The following ASAP1 variants were observed in gnomAD, a reference collection of about 807,000 sequenced individuals.
ASAP1 encodes the protein ArfGAP with SH3 domain, ankyrin repeat and PH domain 1.
ASAP1 carries 43 observed loss-of-function variants against 145.2 expected under a neutral mutation model. That is an observed-to-expected ratio of 0.30 (90% CI 0.23 to 0.38). ASAP1 has a LOEUF of 0.38. Among genes scored for constraint, ASAP1 ranks in the 10% least tolerant of loss-of-function variants. ASAP1 has a pLI of 1.00. For missense variants in ASAP1, 1,018 were observed against 1,355.3 expected (o/e 0.75, Z 3.91); for synonymous variants, 546 against 515.5 (o/e 1.06, Z -0.80).
At chr8:130,153,336 T>C (rs1026978100) in intron 12 of ASAP1, among the ~76,000 whole-genome samples, 1 of 48,822 alleles carries the variant, frequency 2.0e-5, no homozygotes, top group Non-Finnish European at 4.3e-5. Context: ...TTTTTAAATA[T>C]ATATATATAT....
chr8:130,077,017 T>C (rs1190734332), intron 26 of ASAP1, among the ~76,000 whole-genome samples: 1 of 152,206 alleles, frequency 6.6e-6, no homozygotes, highest in Non-Finnish European at 1.5e-5. Context: ...TCTTCCCACA[T>C]GATCCCACAA....
At chr8:130,286,825 C>T (rs1399832002) in intron 3 of ASAP1, among the ~76,000 whole-genome samples, 2 of 152,182 alleles carry the variant, frequency 1.3e-5, no homozygotes, top group Admixed American at 6.5e-5. Context: ...TTGTGCTTAT[C>T]ATTATGAAAT....
chr8:130,077,760 C>T (rs989011686), intron 26 of ASAP1, among the ~76,000 whole-genome samples: 1 of 152,112 alleles, frequency 6.6e-6, no homozygotes, highest in African/African-American at 2.4e-5. Flanking sequence ...CCTTTCTGTC[C>T]TGGCTCTTGG....
intron 5 of ASAP1, among the ~76,000 whole-genome samples, chr8:130,198,604 C>T (rs1319394573): frequency 1.3e-5 from 2 of 152,134 alleles, no homozygotes; most frequent in Admixed American, 6.6e-5. Context: ...CTGTATCTAA[C>T]ATATATTATC....
At chr8:130,193,283 C>T (rs1054672029) in intron 5 of ASAP1, among the ~76,000 whole-genome samples, 2 of 151,878 alleles carry the variant, frequency 1.3e-5, no homozygotes, top group Non-Finnish European at 2.9e-5. Flanking sequence ...ACAGGAGAAT[C>T]GCCTGAACCT....
chr8:130,238,384 T>C (rs1231409915), intron 3 of ASAP1, among the ~76,000 whole-genome samples: 1 of 152,040 alleles, frequency 6.6e-6, no homozygotes, highest in African/African-American at 2.4e-5. Context: ...GTAGAGACAC[T>C]CCTCTGGCAT....
intron 27 of ASAP1, among the ~76,000 whole-genome samples, chr8:130,063,372 G>A (rs2097423282): frequency 6.6e-6 from 1 of 152,118 alleles, no homozygotes; most frequent in Non-Finnish European, 1.5e-5. Flanking sequence ...GAGACGTGCA[G>A]GGCCATGCTG....
intron 3 of ASAP1, among the ~76,000 whole-genome samples, chr8:130,241,259 T>C (rs996535779): frequency 1.3e-5 from 2 of 152,124 alleles, no homozygotes; most frequent in Admixed American, 6.6e-5. Flanking sequence ...CCTACAGCAG[T>C]GTATACCCTC....
intron 25 of ASAP1, among the ~76,000 whole-genome samples, chr8:130,080,209 T>G (rs531256713): frequency 6.6e-6 from 1 of 152,312 alleles, no homozygotes; most frequent in East Asian, 1.9e-4. Context: ...AGCTGCTCTG[T>G]GGCAAGGCCT....
intron 3 of ASAP1, among the ~76,000 whole-genome samples, chr8:130,263,417 G>A (rs1820059017): frequency 6.6e-6 from 1 of 152,126 alleles, no homozygotes; most frequent in Non-Finnish European, 1.5e-5. Flanking sequence ...ACTACAACTA[G>A]GTGTAGAAAA....
chr8:130,152,573 C>T (rs1252756242), intron 13 of ASAP1, 163 bp downstream of exon 13: 3 of 482,740 alleles, frequency 6.2e-6, no homozygotes, highest in Non-Finnish European at 1.1e-5. Flanking sequence ...TGCAGACTAC[C>T]ACAGGACAAG....
At chr8:130,252,139 AG>A (rs1819234971) in intron 3 of ASAP1, among the ~76,000 whole-genome samples, 1 of 152,230 alleles carries the variant, frequency 6.6e-6, no homozygotes, top group African/African-American at 2.4e-5. Context: ...AAATAGAAAT[AG>A]GAAGGACTCT....
intron 2 of ASAP1, among the ~76,000 whole-genome samples, chr8:130,384,637 T>A (rs1052371529): frequency 2.0e-5 from 3 of 152,150 alleles, no homozygotes; most frequent in Non-Finnish European, 4.4e-5. Context: ...CCCGCCACCA[T>A]GCCCGGCTAA....
At chr8:130,087,856 G>A (rs1205390104) in intron 25 of ASAP1, among the ~76,000 whole-genome samples, 3 of 152,226 alleles carry the variant, frequency 2.0e-5, no homozygotes, top group Non-Finnish European at 4.4e-5. Context: ...CCTAGGCACA[G>A]TGGGGAGAGG....
chr8:130,150,021 T>C (rs1054038997), intron 13 of ASAP1, among the ~76,000 whole-genome samples: 3 of 152,198 alleles, frequency 2.0e-5, no homozygotes, highest in African/African-American at 7.2e-5. Flanking sequence ...GATTTCAGTA[T>C]TGTCAGCAAC....
Position 130,112,222 on chromosome 8 carries a change from G to A in ASAP1, c.2273C>T (p.Thr758Ile). 6.2e-7 allele frequency: 1 copy of A among 1,614,242 alleles called. No homozygotes were observed. The highest frequency in any genetic ancestry group is 1.1e-5 in the South Asian group (1 of 91,084). ...GGAGAGCCGCTGTTTGTCCCTTGGA[G>A]TGCTGAATCCTGGCAGTGCCAGCTT... Reference protein sequence around the residue: ...QDKLALPGFSTPRDKQRLSYG... With the variant: ...QDKLALPGFSIPRDKQRLSYG... Residue 758 changes from threonine (T) to isoleucine (I), a missense_variant, in exon 24 of 30, where the codon ACT becomes ATT. By Grantham distance (89) the Thr-to-Ile change is moderately conservative. Coordinates refer to ENST00000518721, the MANE Select transcript of ASAP1 (RefSeq NM_018482.4).
chr8:130,313,549 A>G (rs1823484905), intron 3 of ASAP1, among the ~76,000 whole-genome samples: 1 of 152,228 alleles, frequency 6.6e-6, no homozygotes. Context: ...CTCAAATTAC[A>G]GTTATATTGC....
chr8:130,282,913 C>T (rs1314930318), intron 3 of ASAP1, among the ~76,000 whole-genome samples: 2 of 152,244 alleles, frequency 1.3e-5, no homozygotes, highest in African/African-American at 4.8e-5. Context: ...TTACAACAAC[C>T]TTCATCATTT....
chr8:130,428,423 AT>A, intron 1 of ASAP1, among the ~76,000 whole-genome samples: 2 of 122,076 alleles, frequency 1.6e-5, no homozygotes, highest in Non-Finnish European at 3.4e-5. Context: ...CACCATCACC[AT>A]CATCATCATC....
Sources: gnomAD v4.1 joint callset for allele counts (sites outside exome capture counted in the v4.1 genomes callset) on GRCh38, gnomAD v4.1.1 for gene constraint, MANE v1.5 for transcripts, NCBI Gene and HGNC (gene_info 2026-07-23, HGNC 2026-07-21) for gene names.